The following CDCA5 variants were observed in gnomAD, a reference collection of about 807,000 sequenced individuals.
The protein encoded by CDCA5 is sororin.
A neutral mutation model predicts 25.7 loss-of-function variants in CDCA5; 14 were observed. The observed-to-expected ratio is 0.54, with a 90% CI of 0.36 to 0.85. The LOEUF (loss-of-function observed/expected upper bound fraction) is 0.85, where lower values mean the gene tolerates loss of function less well. Among genes scored for constraint, CDCA5 ranks in the 40% least tolerant of loss-of-function variants. The probability of loss-of-function intolerance (pLI) is 0.01; values close to 1 mark genes in which losing one functional copy is unlikely to be tolerated. For missense variants in CDCA5, 307 were observed against 324.5 expected (o/e 0.95, Z 0.41); for synonymous variants, 127 against 128.7 (o/e 0.99, Z 0.09).
exon 5 of CDCA5, chr11:65,066,875 G>A (rs915829444): frequency 8.5e-6 from 11 of 1,289,112 alleles, no homozygotes; most frequent in African/African-American, 1.5e-5. Flanking sequence ...AGTGACTCCC[G>A]AAGCCTAGGG....
rs1490009666 is a variant in CDCA5 at position 65,079,113 on chromosome 11, A to G, written c.753T>C (p.Val251=). 6.6e-7 allele frequency: 1 copy of G among 1,518,108 alleles called. No individual in the cohort carries two copies. The highest frequency in any genetic ancestry group is 1.4e-5 in the African/African-American group (1 of 71,626). The allele number at this position is 1,518,108 out of a possible 1,614,324, so 94.0% of individuals were successfully genotyped here. A position where few individuals can be genotyped will look rare whatever the true frequency, so the allele number is the denominator to read the frequency against. ...GTGCACCCCCCACTGCATCTCATTC[A>G]ACCAGGAGATCAAACTGCTCAGCAG... The part of the protein sequence containing the change: ...FEAAEQFDLL[V]E The change falls in exon 6 of 6, where the codon GTT becomes GTC. Residue 251 remains valine, a synonymous_variant. Coordinates refer to ENST00000275517, the MANE Select transcript of CDCA5 (RefSeq NM_080668.4).
chr11:65,066,370 C>T (rs890636433), exon 7 of CDCA5: 2 of 1,185,638 alleles, frequency 1.7e-6, no homozygotes, highest in South Asian at 1.6e-5. Context: ...AGGAGGTGTC[C>T]GACCTCTGGC....
chr11:65,082,322 C>G (rs926900323), intron 4 of CDCA5, among the ~76,000 whole-genome samples: 3 of 152,218 alleles, frequency 2.0e-5, no homozygotes, highest in Non-Finnish European at 4.4e-5. Flanking sequence ...AGGATCTGCT[C>G]TGCCTTAGGG....
Position 65,078,851 on chromosome 11 carries a change from T to G in CDCA5, c.*256A>C. On this transcript the variant is annotated 3_prime_UTR_variant, in exon 6 of 6. Transcript: ENST00000275517. ...CCATCTGGAAACTGGCTATGGTACT[T>G]TGGGGAGATAGGAAGGACAGGACGA... 8.3e-7 allele frequency: 1 copy of G among 1,199,252 alleles called. No individual in the cohort carries two copies. 74.3% of individuals were successfully genotyped at this position (1,199,252 alleles called of 1,614,324 possible).
chr11:65,062,002 C>T (rs1326625824), downstream of CDCA5, among the ~76,000 whole-genome samples: 2 of 144,794 alleles, frequency 1.4e-5, no homozygotes, highest in Non-Finnish European at 3.0e-5. Context: ...CTCACCGCAA[C>T]CTCTGCCTCC....
At chr11:65,068,697 G>A in intron 1 of CDCA5, 1 of 622,864 alleles carries the variant, frequency 1.6e-6, no homozygotes, top group Non-Finnish European at 2.5e-6. Context: ...CTTCCAGCCT[G>A]GCGAGCGTCT....
In CDCA5 at chr11:65,083,099, A is replaced by G. The variant is rs570981463; in HGVS notation, c.243+265T>C. Among the ~76,000 whole-genome samples the G allele has an allele frequency of 2.6e-5, 4 of 152,380 alleles. No homozygotes were observed. In the South Asian group the frequency reaches 8.3e-4, roughly 32 times the overall value. ...GAAAGCTGAAGGCATAATGGATTAG[A>G]AAGGCAGTACGTGGAGTTAAGACAT... On this transcript the variant is annotated intron_variant, in intron 4 of 5. Transcript: ENST00000275517.
In CDCA5 at chr11:65,083,654, C is replaced by G. The variant is rs376204219; in HGVS notation, c.116G>C (p.Ser39Thr). 1 of 1,614,176 alleles carries G rather than the reference C, an allele frequency of 6.2e-7. No homozygotes were observed. The highest frequency in any genetic ancestry group is 8.5e-7 in the Non-Finnish European group (1 of 1,180,022). ...CTTCGGCCAGATTTCAGGGAGGATGCTCGGGAGTTCAGAGCCTGATTTCCG... is the reference window on the plus strand; with the variant it reads ...CTTCGGCCAGATTTCAGGGAGGATGGTCGGGAGTTCAGAGCCTGATTTCCG... ...SQRKSGSELP[S>T]ILPEIWPKTP... is the part of the protein sequence containing the mutation. The change falls in exon 2 of 6, where the codon AGC (serine) becomes ACC (threonine). Residue 39 changes from serine (S) to threonine (T), a missense_variant. By Grantham distance (58) the Ser-to-Thr change is moderately conservative. Transcript: ENST00000275517.
At chr11:65,082,036 G>T (rs1274279949) in intron 4 of CDCA5, among the ~76,000 whole-genome samples, 2 of 152,154 alleles carry the variant, frequency 1.3e-5, no homozygotes, top group Non-Finnish European at 2.9e-5. Context: ...AGGCCACTGG[G>T]GGGCAATTCC....
chr11:65,080,448 C>T (rs1947542555), intron 4 of CDCA5, among the ~76,000 whole-genome samples: 1 of 152,186 alleles, frequency 6.6e-6, no homozygotes. Flanking sequence ...GGTCTCAACT[C>T]TGTTGCCCAG....
At chr11:65,072,457 A>G (rs541175639), downstream of CDCA5, among the ~76,000 whole-genome samples, 48 of 152,326 alleles carry the variant, frequency 3.2e-4, no homozygotes, top group African/African-American at 1.1e-3. Flanking sequence ...TCTCCAAGAA[A>G]TGGGGACAGG....
chr11:65,066,709 G>A, intron 5 of CDCA5: 2 of 1,287,258 alleles, frequency 1.6e-6, no homozygotes, highest in Non-Finnish European at 2.0e-6. Context: ...GCTCGAGGTG[G>A]GTAGCCAGCC....
chr11:65,074,475 G>A (rs1360700932), downstream of CDCA5, among the ~76,000 whole-genome samples: 1 of 152,138 alleles, frequency 6.6e-6, no homozygotes, highest in Non-Finnish European at 1.5e-5. Context: ...CCAGCTTTTT[G>A]GTTATTGTTG....
In CDCA5 at chr11:65,079,171, T is replaced by C; in HGVS notation, c.695A>G (p.Glu232Gly). The change falls in exon 6 of 6, where the codon GAG becomes GGG. Residue 232 changes from glutamate (E) to glycine (G), a missense_variant. Transcript: ENST00000275517. ...CTCGGCATTCATGGCCGCAGCCCACTCATCCAGCTCCGTTTTCTGAGGGAA... is the reference window on the plus strand; with the variant it reads ...CTCGGCATTCATGGCCGCAGCCCACCCATCCAGCTCCGTTTTCTGAGGGAA... ...MPEILKTELD[E>G]WAAAMNAEFE... is the part of the protein sequence containing the mutation. 7 of 1,522,132 alleles carry C rather than the reference T, an allele frequency of 4.6e-6. No individual in the cohort carries two copies. The highest frequency in any genetic ancestry group is 6.2e-6 in the Non-Finnish European group (7 of 1,135,926). 94.3% of individuals were successfully genotyped at this position (1,522,132 alleles called of 1,614,324 possible). A position where few individuals can be genotyped will look rare whatever the true frequency, so the allele number is the denominator to read the frequency against.
downstream of CDCA5, among the ~76,000 whole-genome samples, chr11:65,074,439 G>C (rs1373625230): frequency 6.6e-6 from 1 of 152,170 alleles, no homozygotes; most frequent in Non-Finnish European, 1.5e-5. Flanking sequence ...TATCCATTCA[G>C]CTGCTGGTAG....
chr11:65,079,303 G>A, intron 5 of CDCA5, 50 bp downstream of exon 5: 1 of 1,613,376 alleles, frequency 6.2e-7, no homozygotes, highest in Non-Finnish European at 8.5e-7. Flanking sequence ...CCCCAGCCCT[G>A]CACGTCTCCC....
At chr11:65,067,888 G>A in intron 3 of CDCA5, 1 of 847,522 alleles carries the variant, frequency 1.2e-6, no homozygotes, top group South Asian at 1.5e-5. Flanking sequence ...CACGGGCCAG[G>A]ACTGAGTCCT....
intron 3 of CDCA5, chr11:65,067,787 G>A (rs1947267490): frequency 8.1e-7 from 1 of 1,233,936 alleles, no homozygotes. Context: ...TCAGGCCAGA[G>A]GGTCTAGGGG....
intron 1 of CDCA5, among the ~76,000 whole-genome samples, chr11:65,069,531 G>C (rs1947301742): frequency 6.6e-6 from 1 of 152,170 alleles, no homozygotes; most frequent in Non-Finnish European, 1.5e-5. Flanking sequence ...AAGTCCCAGA[G>C]CTCCAGCGTG....
Sources: gnomAD v4.1 joint callset for allele counts (sites outside exome capture counted in the v4.1 genomes callset) on GRCh38, gnomAD v4.1.1 for gene constraint, MANE v1.5 for transcripts, NCBI Gene and HGNC (gene_info 2026-07-23, HGNC 2026-07-21) for gene names.